The following CFAP20DC variants were observed in gnomAD, a reference collection of about 807,000 sequenced individuals.
CFAP20DC encodes the protein protein CFAP20DC.
A neutral mutation model predicts 101.7 loss-of-function variants in CFAP20DC; 84 were observed. The observed-to-expected ratio is 0.83, with a 90% CI of 0.69 to 0.99. The LOEUF is 0.99. Ranked by LOEUF, CFAP20DC falls within the 50% of genes least tolerant of loss-of-function variation. The pLI, the probability that CFAP20DC is intolerant of heterozygous loss-of-function variation, is 0.00. For synonymous variants in CFAP20DC, 359 were observed against 351.2 expected (o/e 1.02, Z -0.25); for missense variants, 1,007 against 970.3 (o/e 1.04, Z -0.50).
chr3:58,818,476 G>T (rs1324524189), intron 14 of CFAP20DC, among the ~76,000 whole-genome samples: 1 of 151,616 alleles, frequency 6.6e-6, no homozygotes, highest in Non-Finnish European at 1.5e-5. Flanking sequence ...ACTGAAAAAG[G>T]CAGGGGTTGC....
At chr3:58,858,865 A>G (rs2079034510) in intron 12 of CFAP20DC, among the ~76,000 whole-genome samples, 1 of 152,216 alleles carries the variant, frequency 6.6e-6, no homozygotes, top group South Asian at 2.1e-4. Context: ...GTATATGTAT[A>G]CTTCTGTTGT....
At chr3:59,012,077 A>G (rs775235763) in intron 4 of CFAP20DC, among the ~76,000 whole-genome samples, 5 of 152,216 alleles carry the variant, frequency 3.3e-5, no homozygotes, top group Non-Finnish European at 7.3e-5. Flanking sequence ...CTCACAGTCT[A>G]TTAAGAAAGA....
intron 14 of CFAP20DC, among the ~76,000 whole-genome samples, chr3:58,831,270 T>A (rs1053242339): frequency 1.3e-5 from 2 of 152,208 alleles, no homozygotes; most frequent in Non-Finnish European, 2.9e-5. Context: ...TTCTTTTCTG[T>A]CTTCATATCC....
intron 14 of CFAP20DC, among the ~76,000 whole-genome samples, chr3:58,816,236 CATT>C (rs986558422): frequency 6.6e-6 from 1 of 152,134 alleles, no homozygotes; most frequent in African/African-American, 2.4e-5. Flanking sequence ...TGGAAATCAT[CATT>C]CTCAGTAAAC....
At chr3:58,984,213 C>T (rs1161094012) in intron 4 of CFAP20DC, among the ~76,000 whole-genome samples, 1 of 152,098 alleles carries the variant, frequency 6.6e-6, no homozygotes, top group Non-Finnish European at 1.5e-5. Flanking sequence ...TTTTGAAGTG[C>T]CCAAGAGAAC....
At chr3:58,962,566 C>T (rs1432172019) in intron 4 of CFAP20DC, among the ~76,000 whole-genome samples, 2 of 152,136 alleles carry the variant, frequency 1.3e-5, no homozygotes, top group South Asian at 2.1e-4. Flanking sequence ...CTAGGGGTCA[C>T]TGCTGTGTTA....
chr3:58,814,664 G>A (rs895607247), intron 14 of CFAP20DC, among the ~76,000 whole-genome samples: 14 of 150,848 alleles, frequency 9.3e-5, no homozygotes, highest in Admixed American at 7.2e-4. Flanking sequence ...CAAAGTCTCA[G>A]GATACAAAAT....
chr3:58,778,108 C>T (rs1350298248), intron 15 of CFAP20DC, among the ~76,000 whole-genome samples: 2 of 152,180 alleles, frequency 1.3e-5, no homozygotes, highest in African/African-American at 4.8e-5. Context: ...CAGCTGCCAT[C>T]CTAATGGCTG....
At chr3:58,797,827 G>C (rs1487865876) in intron 15 of CFAP20DC, among the ~76,000 whole-genome samples, 1 of 152,036 alleles carries the variant, frequency 6.6e-6, no homozygotes, top group Non-Finnish European at 1.5e-5. Context: ...GAAATCCTAG[G>C]GTTCTTAAGA....
chr3:58,869,794 G>A lies in CFAP20DC; in HGVS notation c.853-304C>T, dbSNP rs1466592668. Among the ~76,000 whole-genome samples, 1 of 152,058 alleles carries A rather than the reference G, an allele frequency of 6.6e-6. No individual in the cohort carries two copies. The highest frequency in any genetic ancestry group is 2.4e-5 in the African/African-American group (1 of 41,398). On this transcript the variant is annotated intron_variant, in intron 8 of 16. Coordinates refer to ENST00000482387, the MANE Select transcript of CFAP20DC (RefSeq NM_001394063.1). This position sits in a 1 kb window ranked among gnomAD's most constrained non-coding sequence, Gnocchi z 4.3. ...AAAATCACGCGTATGTCAGAAATTCGGAGGAAATTAAAAATAAAAAACCTA... is the reference window on the plus strand; with the variant it reads ...AAAATCACGCGTATGTCAGAAATTCAGAGGAAATTAAAAATAAAAAACCTA...
chr3:58,883,421 C>A (rs993426444), intron 7 of CFAP20DC, among the ~76,000 whole-genome samples: 114 of 152,286 alleles, frequency 7.5e-4, no homozygotes, highest in African/African-American at 2.6e-3. Context: ...AAGCCCATTT[C>A]TCTTGTATTC....
chr3:58,855,471 G>GCCAT (rs1259945400), intron 12 of CFAP20DC, among the ~76,000 whole-genome samples: 4 of 152,252 alleles, frequency 2.6e-5, no homozygotes, highest in Middle Eastern at 3.4e-3. Context: ...ATTTGACCCA[G>GCCAT]CCATCCCATT....
chr3:58,969,296 C>T (rs983885605), intron 4 of CFAP20DC, among the ~76,000 whole-genome samples: 5 of 152,128 alleles, frequency 3.3e-5, no homozygotes, highest in East Asian at 3.8e-4. Context: ...GATACCATTT[C>T]GCACCCACTG....
chr3:58,979,915 C>T (rs140921623), intron 4 of CFAP20DC, among the ~76,000 whole-genome samples: 10 of 151,568 alleles, frequency 6.6e-5, no homozygotes, highest in African/African-American at 2.2e-4. Context: ...AAATAGGTTT[C>T]GTCTTAAGTT....
At chr3:58,862,307 G>A in intron 12 of CFAP20DC, 1 of 985,292 alleles carries the variant, frequency 1.0e-6, no homozygotes, top group Non-Finnish European at 1.2e-6. Flanking sequence ...TTATCAGCTG[G>A]GATGAGGACA....
At chr3:58,951,179 G>C (rs1403751547) in intron 4 of CFAP20DC, among the ~76,000 whole-genome samples, 1 of 152,218 alleles carries the variant, frequency 6.6e-6, no homozygotes, top group Non-Finnish European at 1.5e-5. Flanking sequence ...CTGGCCATCA[G>C]AGAAATGCAA....
At position 58,866,558 on chromosome 3, in the gene CFAP20DC, A is replaced by T; in HGVS notation, c.1258+8T>A. ...TATTAACAGATATGGTGTAATAAAG[A>T]TGCCAACCTGATTGATCAGGAGACT... On this transcript the variant is annotated splice_region_variant and intron_variant, in intron 11 of 16. Coordinates refer to ENST00000482387, the MANE Select transcript of CFAP20DC (RefSeq NM_001394063.1). 1 of 1,598,954 alleles carries T rather than the reference A, an allele frequency of 6.3e-7. No homozygotes were observed. The highest frequency in any genetic ancestry group is 8.5e-7 in the Non-Finnish European group (1 of 1,174,968).
intron 4 of CFAP20DC, 148 bp from the exon 5 acceptor site, chr3:58,937,910 C>G: frequency 1.6e-6 from 1 of 625,588 alleles, no homozygotes; most frequent in East Asian, 2.8e-5. Context: ...CTTTTTCTTT[C>G]AAGAAGTAAT....
At chr3:58,774,306 C>G (rs1310735313) in intron 15 of CFAP20DC, among the ~76,000 whole-genome samples, 2 of 152,176 alleles carry the variant, frequency 1.3e-5, no homozygotes, top group African/African-American at 4.8e-5. Context: ...TGTAGTGCCA[C>G]TAGCTAGAGC....
Sources: gnomAD v4.1 joint callset for allele counts (sites outside exome capture counted in the v4.1 genomes callset) on GRCh38, gnomAD v4.1.1 for gene constraint, Gnocchi (gnomAD v3.1) non-coding constraint, MANE v1.5 for transcripts, NCBI Gene and HGNC (gene_info 2026-07-23, HGNC 2026-07-21) for gene names.